Variants in FKBP1A observed in about 807,000 individuals in gnomAD.
FKBP1A encodes peptidyl-prolyl cis-trans isomerase FKBP1A.
In FKBP1A, 5 loss-of-function variants were observed where a neutral mutation model predicts 14.2. The ratio of observed to expected loss-of-function variants is 0.35; its 90% CI spans 0.18 to 0.74. The LOEUF (loss-of-function observed/expected upper bound fraction) is 0.74, where lower values mean the gene tolerates loss of function less well. Ranked by LOEUF, FKBP1A falls within the 30% of genes least tolerant of loss-of-function variation. The pLI, the probability that FKBP1A is intolerant of heterozygous loss-of-function variation, is 0.56. For missense variants in FKBP1A, 53 were observed against 138.8 expected, an observed-to-expected ratio of 0.38 and a Z score of 3.10; for synonymous variants, 42 against 49.1, an observed-to-expected ratio of 0.86 and a Z score of 0.60.
chr20:1,392,068 T>A (rs571486323), intron 2 of FKBP1A, among the ~76,000 whole-genome samples: 1 of 152,248 alleles, frequency 6.6e-6, no homozygotes, highest in East Asian at 1.9e-4. Flanking sequence ...ATTATCACTA[T>A]GTATTAGCCT....
At chr20:1,381,431 CCACGTCAGG>C (rs775411768) in intron 2 of FKBP1A, among the ~76,000 whole-genome samples, 13 of 152,212 alleles carry the variant, frequency 8.5e-5, no homozygotes, top group Admixed American at 3.3e-4. Flanking sequence ...AAAAGACTGA[CCACGTCAGG>C]TGTTAGTGAG....
chr20:1,379,616 G>T lies in FKBP1A; in HGVS notation c.86-4013C>A, dbSNP rs915547333. Among the ~76,000 whole-genome samples, 5 of 152,190 alleles carry T rather than the reference G, an allele frequency of 3.3e-5. No homozygotes were observed. Among genetic ancestry groups the T allele is most frequent in the Non-Finnish European group, 7.3e-5 (5 of 68,030 alleles). On this transcript the variant is annotated intron_variant, in intron 2 of 4. Transcript: ENST00000400137. The surrounding 1 kb of genome is among the most constrained non-coding windows in gnomAD (Gnocchi z 4.3). ...TCCCTGGGAAAGGGGCATGAGACTT[G>T]CTCCAGAATTTCAGACCACAGTCAC...
In FKBP1A at chr20:1,393,017, G is replaced by GCGGGCGGGCGGCGCGA. The variant is rs1600344591; in HGVS notation, c.-35_-20dup. 1.4e-6 allele frequency: 2 copies of GCGGGCGGGCGGCGCGA among 1,453,490 alleles called. No individual in the cohort carries two copies. Among genetic ancestry groups the GCGGGCGGGCGGCGCGA allele is most frequent in the East Asian group, 2.7e-5 (1 of 36,462 alleles). 90.0% of individuals were successfully genotyped at this position (1,453,490 alleles called of 1,614,324 possible). A position where few individuals can be genotyped will look rare whatever the true frequency, so the allele number is the denominator to read the frequency against. ...CTCCCATGGCGGCGGCGGACGCTGA[G>GCGGGCGGGCGGCGCGA]CGGGCGGGCGGCGCGACGGGCGGCG... On this transcript the variant is annotated 5_prime_UTR_variant, in exon 1 of 5. Transcript: ENST00000400137.
At chr20:1,373,579 T>C (rs1245865511) in intron 3 of FKBP1A, among the ~76,000 whole-genome samples, 2 of 152,102 alleles carry the variant, frequency 1.3e-5, no homozygotes, top group East Asian at 1.9e-4. Context: ...CTACCCAGAC[T>C]TCTCACAAAT....
chr20:1,373,011 T>C (rs1042069065), intron 3 of FKBP1A: 1 of 152,264 alleles, frequency 6.6e-6, no homozygotes, highest in African/African-American at 2.4e-5. Flanking sequence ...CTGCAGTATT[T>C]CCATCCTTTG....
intron 2 of FKBP1A, chr20:1,377,577 A>G (rs1429691014): frequency 6.6e-6 from 1 of 152,154 alleles, no homozygotes; most frequent in Non-Finnish European, 1.5e-5. Context: ...CTGGGAGAAA[A>G]ACAGGTCTCC....
intron 2 of FKBP1A, among the ~76,000 whole-genome samples, chr20:1,392,574 A>G (rs1385449280): frequency 6.6e-6 from 1 of 152,258 alleles, no homozygotes; most frequent in East Asian, 1.9e-4. Context: ...GGCAGCATCT[A>G]AGGTGCAGAA....
chr20:1,370,117 C>T (rs530641430), intron 4 of FKBP1A, 45 bp from the exon 5 acceptor site: 1 of 1,539,292 alleles, frequency 6.5e-7, no homozygotes, highest in South Asian at 1.2e-5. Flanking sequence ...ACTCAGTGTT[C>T]TTTGTGTGCA....
At chr20:1,389,132 G>A (rs2089703028) in intron 2 of FKBP1A, among the ~76,000 whole-genome samples, 1 of 152,006 alleles carries the variant, frequency 6.6e-6, no homozygotes, top group South Asian at 2.1e-4. Context: ...TCTCTCCAGC[G>A]CTTCTTACTA....
chr20:1,375,789 G>T (rs1238449645), intron 2 of FKBP1A, among the ~76,000 whole-genome samples, 186 bp from the exon 3 acceptor site: 1 of 152,082 alleles, frequency 6.6e-6, no homozygotes, highest in African/African-American at 2.4e-5. Context: ...CTCCAGACCT[G>T]TGAATGCTCT....
At chr20:1,388,440 C>A (rs567839835) in intron 2 of FKBP1A, among the ~76,000 whole-genome samples, 2 of 152,344 alleles carry the variant, frequency 1.3e-5, no homozygotes, top group African/African-American at 4.8e-5. Context: ...ACTTTGGAGA[C>A]AACTGGGTAG....
intron 2 of FKBP1A, among the ~76,000 whole-genome samples, chr20:1,382,878 G>GTT (rs1338445207): frequency 6.6e-6 from 1 of 152,168 alleles, no homozygotes; most frequent in African/African-American, 2.4e-5. Flanking sequence ...GAGCAAAAGG[G>GTT]TTTACAAAAC....
At chr20:1,390,113 GGTCA>G (rs1387902184) in intron 2 of FKBP1A, among the ~76,000 whole-genome samples, 1 of 152,148 alleles carries the variant, frequency 6.6e-6, no homozygotes, top group Admixed American at 6.5e-5. Context: ...ATGTGGTAAA[GGTCA>G]GTCTGTGCTC....
At chr20:1,382,781 G>T (rs1409809556) in intron 2 of FKBP1A, among the ~76,000 whole-genome samples, 1 of 152,224 alleles carries the variant, frequency 6.6e-6, no homozygotes, top group East Asian at 1.9e-4. Flanking sequence ...GACCATGAAA[G>T]AAGCCAAAGC....
intron 2 of FKBP1A, 35 bp downstream of exon 2, chr20:1,392,799 G>T: frequency 6.8e-7 from 1 of 1,468,248 alleles, no homozygotes; most frequent in Non-Finnish European, 9.0e-7. Flanking sequence ...GCGGACTGCG[G>T]CCCGGGCCCC....
chr20:1,375,501 C>T lies in FKBP1A; in HGVS notation c.188G>A (p.Gly63Glu). Residue 63 changes from glycine (G) to glutamate (E), a missense_variant, in exon 3 of 5, where the codon GGG becomes GAG. Physicochemically the swap from Gly to Glu is moderately conservative, Grantham distance 98. This residue lies in a region of FKBP1A where 35 missense variants were observed against 118.1 expected (regional missense o/e 0.30). Coordinates refer to ENST00000400137, the MANE Select transcript of FKBP1A (RefSeq NM_000801.5). ...AATGAGAGAGCATACCTGGGCAACC[C>T]CTTCTTCCCAGCCTCGGATCACCTC... Reference protein sequence around the residue: ...KQEVIRGWEEGVAQMSVGQRA... With the variant: ...KQEVIRGWEEEVAQMSVGQRA... 6.2e-7 allele frequency: 1 copy of T among 1,612,698 alleles called. No homozygotes were observed. Among genetic ancestry groups the T allele is most frequent in the Non-Finnish European group, 8.5e-7 (1 of 1,178,778 alleles).
chr20:1,385,330 C>T lies in FKBP1A; in HGVS notation c.85+7504G>A, dbSNP rs530822095. Among the ~76,000 whole-genome samples, 8 of 152,254 alleles carry T rather than the reference C, an allele frequency of 5.3e-5. No homozygotes were observed. In the South Asian group the frequency reaches 1.7e-3, roughly 32 times the overall value. On this transcript the variant is annotated intron_variant, in intron 2 of 4. Transcript: ENST00000400137. The stretch of plus-strand genomic sequence containing the variant: ...GCTTGAACCCGGGAGGCAGAGGTTG[C>T]AGTGAGCCGAGATTGCACCAGGGCA...
At chr20:1,370,603 C>T (rs1024313135) in intron 4 of FKBP1A, 5 of 985,298 alleles carry the variant, frequency 5.1e-6, no homozygotes, top group Non-Finnish European at 6.0e-6. Flanking sequence ...TTCATTCATT[C>T]ACTCAACTTA....
At chr20:1,382,358 T>A (rs1409531072) in intron 2 of FKBP1A, among the ~76,000 whole-genome samples, 1 of 152,206 alleles carries the variant, frequency 6.6e-6, no homozygotes, top group Non-Finnish European at 1.5e-5. Flanking sequence ...CCACTCAGCA[T>A]AAAACATCAC....
Sources: allele counts gnomAD v4.1 joint callset (sites outside exome capture counted in the v4.1 genomes callset), GRCh38; gene constraint gnomAD v4.1.1; regional missense constraint gnomAD v4.1.1; non-coding constraint Gnocchi (gnomAD v3.1); transcripts MANE v1.5; gene names NCBI Gene and HGNC (gene_info 2026-07-23, HGNC 2026-07-21).